The following TMEM132B variants were observed in gnomAD, a reference collection of about 807,000 sequenced individuals.
TMEM132B encodes transmembrane protein 132B.
Under a neutral mutation model 90.8 loss-of-function variants are expected in TMEM132B, and 18 were observed. The observed-to-expected ratio is 0.20, with a 90% CI of 0.14 to 0.29. The LOEUF (loss-of-function observed/expected upper bound fraction) is 0.29, where lower values mean the gene tolerates loss of function less well. Ranked by LOEUF, TMEM132B falls within the 10% of genes least tolerant of loss-of-function variation. TMEM132B has a pLI of 1.00. For synonymous variants in TMEM132B, 504 were observed against 523.3 expected (o/e 0.96, Z 0.50); for missense variants, 1,096 against 1,326.8 (o/e 0.83, Z 2.70).
chr12:125,538,411 A>G (rs1883867959), intron 4 of TMEM132B, among the ~76,000 whole-genome samples: 1 of 152,196 alleles, frequency 6.6e-6, no homozygotes, highest in African/African-American at 2.4e-5. Flanking sequence ...TGGCTGTCAC[A>G]TCTCACACAA....
chr12:125,294,445 A>G (rs140082593), intron 1 of TMEM132B, among the ~76,000 whole-genome samples: 2 of 152,370 alleles, frequency 1.3e-5, no homozygotes, highest in South Asian at 2.1e-4. Flanking sequence ...AACATTATGC[A>G]TGGAGATGTT....
At chr12:125,609,119 A>T (rs909169341) in intron 5 of TMEM132B, among the ~76,000 whole-genome samples, 9 of 152,116 alleles carry the variant, frequency 5.9e-5, no homozygotes, top group Non-Finnish European at 1.2e-4. Context: ...CAAGAACATC[A>T]TGGGGGAAAC....
Position 125,459,410 on chromosome 12 carries a change from G to A in TMEM132B, c.1106+43733G>A, listed in dbSNP as rs1881379094. On this transcript the variant is annotated intron_variant, in intron 3 of 8. Coordinates refer to ENST00000682704, the MANE Select transcript of TMEM132B (RefSeq NM_001366854.1). The surrounding 1 kb of genome is among the most constrained non-coding windows in gnomAD (Gnocchi z 4.1). The stretch of plus-strand genomic sequence containing the variant: ...GAGATCATCATGCTAAATGAAATAA[G>A]CCAGACACAGAAAGACAAACATTGC... 6.6e-6 allele frequency among the ~76,000 whole-genome samples: 1 copy of A among 152,098 alleles called. No homozygotes were observed. The highest frequency in any genetic ancestry group is 6.5e-5 in the Admixed American group (1 of 15,274).
intron 3 of TMEM132B, among the ~76,000 whole-genome samples, chr12:125,447,780 G>T (rs1169777146): frequency 6.6e-6 from 1 of 152,132 alleles, no homozygotes; most frequent in Admixed American, 6.5e-5. Context: ...AGAAATCTAA[G>T]TTGGCAGTTA....
intron 5 of TMEM132B, among the ~76,000 whole-genome samples, chr12:125,628,530 A>G (rs61940796): frequency 0.36 from 55,238 of 151,874 alleles, 10,575 homozygotes; most frequent in African/African-American, 0.46. Flanking sequence ...TGAGCTCCTT[A>G]TATATTCTGG....
At chr12:125,538,889 T>C (rs1215833554) in intron 4 of TMEM132B, among the ~76,000 whole-genome samples, 1 of 152,108 alleles carries the variant, frequency 6.6e-6, no homozygotes, top group African/African-American at 2.4e-5. Context: ...TTTTCAAGCA[T>C]CATATTCAGC....
chr12:125,625,334 C>T (rs1166537743), intron 5 of TMEM132B, among the ~76,000 whole-genome samples: 1 of 151,934 alleles, frequency 6.6e-6, no homozygotes, highest in Non-Finnish European at 1.5e-5. Context: ...GGGGTTTCAC[C>T]GTGTTAGCCA....
chr12:125,521,128 A>G (rs944479301), intron 4 of TMEM132B, among the ~76,000 whole-genome samples: 3 of 152,166 alleles, frequency 2.0e-5, no homozygotes, highest in Admixed American at 6.5e-5. Flanking sequence ...TGTCCTTACC[A>G]CTTTGCTCTA....
chr12:125,196,853 A>G (rs767585499), intron 1 of TMEM132B, among the ~76,000 whole-genome samples: 1 of 152,228 alleles, frequency 6.6e-6, no homozygotes, highest in Non-Finnish European at 1.5e-5. Flanking sequence ...GATCTTAATA[A>G]TGATGCTTGA....
intron 1 of TMEM132B, chr12:125,301,075 A>T (rs1875812343): frequency 1.3e-5 from 2 of 152,246 alleles, no homozygotes; most frequent in South Asian, 4.2e-4. Flanking sequence ...GTATTTATTT[A>T]AAAAATTTCT....
chr12:125,608,597 A>G (rs1031907777), intron 5 of TMEM132B, among the ~76,000 whole-genome samples: 5 of 152,194 alleles, frequency 3.3e-5, no homozygotes, highest in Non-Finnish European at 5.9e-5. Context: ...TAACCAATTA[A>G]CTTTTTATTC....
intron 3 of TMEM132B, among the ~76,000 whole-genome samples, chr12:125,433,440 A>T (rs2136409103): frequency 6.6e-6 from 1 of 151,950 alleles, no homozygotes; most frequent in South Asian, 2.1e-4. Context: ...TTTCTGTGCC[A>T]CGAGTCTCAG....
chr12:125,237,892 A>C (rs1873972121), intron 1 of TMEM132B, among the ~76,000 whole-genome samples: 2 of 152,210 alleles, frequency 1.3e-5, no homozygotes, highest in Admixed American at 6.5e-5. Flanking sequence ...TTGAATGAAC[A>C]GACCAGGGTT....
Position 125,653,676 on chromosome 12 carries a change from G to T in TMEM132B, c.2218G>T (p.Val740Leu). The change falls in exon 9 of 9, where the codon GTG (valine) becomes TTG (leucine). Residue 740 changes from valine to leucine, a missense_variant. Physicochemically the swap from Val to Leu is conservative, Grantham distance 32. Coordinates refer to ENST00000682704, the MANE Select transcript of TMEM132B (RefSeq NM_001366854.1). ...VTVSSLDEMV[V>L]SVQANLESKW... ...TGTCTCATCATTGGATGAAATGGTG[G>T]TGTCTGTCCAGGCAAACCTTGAGTC... The T allele has an allele frequency of 6.2e-7, 1 of 1,614,144 alleles. No homozygotes were observed. The highest frequency in any genetic ancestry group is 8.5e-7 in the Non-Finnish European group (1 of 1,180,030).
rs1879525681 is a variant in TMEM132B, at chr12:125,407,317, C to T, written c.960-8214C>T. On this transcript the variant is annotated intron_variant, in intron 2 of 8. Transcript: ENST00000682704. This position sits in a 1 kb window ranked among gnomAD's most constrained non-coding sequence, Gnocchi z 6.7. ...CAAAGTTAATCCTTTACTGCCCACC[C>T]ACTATGTAGACAACCAAACAAACCC... Among the ~76,000 whole-genome samples the T allele has an allele frequency of 1.3e-5, 2 of 152,234 alleles. No individual in the cohort carries two copies.
intron 1 of TMEM132B, among the ~76,000 whole-genome samples, chr12:125,197,189 G>T (rs1872944159): frequency 6.6e-6 from 1 of 152,028 alleles, no homozygotes; most frequent in Non-Finnish European, 1.5e-5. Context: ...AGTGTGTGTT[G>T]TTCCCCTCTG....
At chr12:125,300,296 G>A (rs527360016) in intron 1 of TMEM132B, among the ~76,000 whole-genome samples, 38 of 152,108 alleles carry the variant, frequency 2.5e-4, no homozygotes, top group South Asian at 1.3e-3. Flanking sequence ...TCAGCCTCCC[G>A]AAGCATTGGG....
chr12:125,589,268 G>A lies in TMEM132B; in HGVS notation c.1437+5274G>A, dbSNP rs1391081888. ...GAGGCCAAGGCGGGCAGATCACGAGGTCAGGAGATCGAGACCATCCTGGCT... is the reference window on the plus strand; with the variant it reads ...GAGGCCAAGGCGGGCAGATCACGAGATCAGGAGATCGAGACCATCCTGGCT... On this transcript the variant is annotated intron_variant, in intron 5 of 8. Transcript: ENST00000682704. Among the ~76,000 whole-genome samples, 7 of 152,150 alleles carry A rather than the reference G, an allele frequency of 4.6e-5. No homozygotes were observed. In the South Asian group the frequency reaches 8.3e-4, roughly 18 times the overall value.
intron 2 of TMEM132B, among the ~76,000 whole-genome samples, chr12:125,391,066 T>C (rs1879000405): frequency 6.6e-6 from 1 of 151,908 alleles, no homozygotes. Context: ...TGTGTGTGTG[T>C]GTGTGTGTCT....
Sources: allele counts gnomAD v4.1 joint callset (sites outside exome capture counted in the v4.1 genomes callset), GRCh38; gene constraint gnomAD v4.1.1; non-coding constraint Gnocchi (gnomAD v3.1); transcripts MANE v1.5; gene names NCBI Gene and HGNC (gene_info 2026-07-23, HGNC 2026-07-21).